The following ARHGEF28 variants were observed in gnomAD, a reference collection of about 807,000 sequenced individuals.
ARHGEF28 encodes Rho guanine nucleotide exchange factor 28, also known as 190 kDa guanine nucleotide exchange factor.
A neutral mutation model predicts 206.6 loss-of-function variants in ARHGEF28; 152 were observed. The observed-to-expected ratio is 0.74, with a 90% CI of 0.64 to 0.84. ARHGEF28 has a LOEUF of 0.84. Ranked by LOEUF, ARHGEF28 falls within the 40% of genes least tolerant of loss-of-function variation. The pLI, the probability that ARHGEF28 is intolerant of heterozygous loss-of-function variation, is 0.00. For missense variants in ARHGEF28, 2,028 were observed against 2,073.2 expected, an observed-to-expected ratio of 0.98 and a Z score of 0.42; for synonymous variants, 763 against 776.4, an observed-to-expected ratio of 0.98 and a Z score of 0.29.
intron 30 of ARHGEF28, chr5:73,899,203 C>T (rs1580069368): frequency 6.6e-6 from 1 of 152,248 alleles, no homozygotes; most frequent in Non-Finnish European, 1.5e-5. Context: ...TTGTACTGCC[C>T]TGGGTGATTT....
At chr5:73,825,926 T>C (rs1343295132) in intron 9 of ARHGEF28, among the ~76,000 whole-genome samples, 2 of 151,438 alleles carry the variant, frequency 1.3e-5, no homozygotes, top group Non-Finnish European at 2.9e-5. Context: ...TGGACTGGAG[T>C]TGAAAATGTG....
At chr5:73,700,400 T>C (rs1318069482) in intron 2 of ARHGEF28, among the ~76,000 whole-genome samples, 1 of 152,230 alleles carries the variant, frequency 6.6e-6, no homozygotes, top group East Asian at 1.9e-4. Context: ...CTGTATAATC[T>C]GTTTTTAAAT....
At chr5:73,852,321 A>T (rs1758755641) in intron 13 of ARHGEF28, among the ~76,000 whole-genome samples, 1 of 152,106 alleles carries the variant, frequency 6.6e-6, no homozygotes, top group South Asian at 2.1e-4. Flanking sequence ...AATAGGGATG[A>T]CTCTAGTGAA....
At chr5:73,916,086 T>C (rs898954732) in intron 35 of ARHGEF28, among the ~76,000 whole-genome samples, 1 of 152,288 alleles carries the variant, frequency 6.6e-6, no homozygotes, top group South Asian at 2.1e-4. Context: ...AAGACAGCTG[T>C]GTTAAACTTT....
intron 6 of ARHGEF28, chr5:73,780,391 A>G (rs1384965756): frequency 5.5e-6 from 2 of 362,372 alleles, no homozygotes; most frequent in Non-Finnish European, 1.0e-5. Flanking sequence ...TCTTTCTGGT[A>G]CATGCATGAT....
At chr5:73,922,358 C>A (rs948907278) in intron 35 of ARHGEF28, among the ~76,000 whole-genome samples, 1 of 152,228 alleles carries the variant, frequency 6.6e-6, no homozygotes, top group Non-Finnish European at 1.5e-5. Flanking sequence ...AGAAAGGAGA[C>A]ATGTTTCCAT....
At chr5:73,823,502 C>T (rs112179355) in intron 9 of ARHGEF28, among the ~76,000 whole-genome samples, 2,890 of 152,204 alleles carry the variant, frequency 0.019, 95 homozygotes, top group African/African-American at 0.066. Flanking sequence ...TAGCAGTTGA[C>T]ATCTTAGTTT....
chr5:73,687,825 G>C (rs1461502808), intron 2 of ARHGEF28, among the ~76,000 whole-genome samples: 5 of 152,170 alleles, frequency 3.3e-5, no homozygotes, highest in Admixed American at 6.5e-5. Flanking sequence ...GATAAGCTCT[G>C]TTGACATTTT....
chr5:73,748,812 A>C (rs1468514537), intron 2 of ARHGEF28, among the ~76,000 whole-genome samples: 1 of 152,134 alleles, frequency 6.6e-6, no homozygotes, highest in Non-Finnish European at 1.5e-5. Context: ...CTCTCTCTGG[A>C]GGCCCCACTT....
intron 2 of ARHGEF28, among the ~76,000 whole-genome samples, chr5:73,707,711 G>T (rs549261550): frequency 8.6e-5 from 13 of 151,776 alleles, no homozygotes; most frequent in African/African-American, 3.1e-4. Context: ...ATTTTTTATT[G>T]TCTTGGAAGA....
At chr5:73,819,649 G>A (rs938505812) in intron 9 of ARHGEF28, among the ~76,000 whole-genome samples, 4 of 152,152 alleles carry the variant, frequency 2.6e-5, no homozygotes, top group African/African-American at 9.7e-5. Flanking sequence ...AGAAGTAGAT[G>A]AGTGAGAGGG....
chr5:73,734,916 A>G (rs766658341), intron 2 of ARHGEF28, among the ~76,000 whole-genome samples: 1 of 152,078 alleles, frequency 6.6e-6, no homozygotes, highest in Non-Finnish European at 1.5e-5. Context: ...CTTCTATTTT[A>G]TTTCTCTGAA....
intron 2 of ARHGEF28, among the ~76,000 whole-genome samples, chr5:73,736,263 G>A (rs1244900253): frequency 2.6e-5 from 4 of 152,166 alleles, no homozygotes; most frequent in East Asian, 1.9e-4. Flanking sequence ...TCAATGCACC[G>A]GGCTGTCTCT....
chr5:73,896,618 T>C (rs1761974209), intron 29 of ARHGEF28, among the ~76,000 whole-genome samples: 1 of 152,046 alleles, frequency 6.6e-6, no homozygotes, highest in African/African-American at 2.4e-5. Flanking sequence ...CCATTGACAA[T>C]GGGAGCAGAG....
intron 30 of ARHGEF28, 107 bp downstream of exon 30, chr5:73,898,200 A>C (rs1227433568): frequency 1.5e-6 from 2 of 1,356,996 alleles, no homozygotes; most frequent in Non-Finnish European, 2.0e-6. Flanking sequence ...AGGGGACTTG[A>C]TATATTTTTT....
intron 35 of ARHGEF28, among the ~76,000 whole-genome samples, chr5:73,935,852 T>A (rs1331290108): frequency 6.6e-6 from 1 of 152,180 alleles, no homozygotes; most frequent in Non-Finnish European, 1.5e-5. Flanking sequence ...AGTTCTGTTT[T>A]GTGACCTTTG....
intron 22 of ARHGEF28, among the ~76,000 whole-genome samples, chr5:73,878,094 G>A (rs1760649256): frequency 6.6e-6 from 1 of 151,638 alleles, no homozygotes; most frequent in Admixed American, 6.6e-5. Context: ...CTTGCTTTAT[G>A]AATCTGGGTG....
At chr5:73,688,905 C>T (rs376381241) in intron 2 of ARHGEF28, among the ~76,000 whole-genome samples, 6 of 152,234 alleles carry the variant, frequency 3.9e-5, no homozygotes, top group Admixed American at 6.5e-5. Flanking sequence ...CCACCCACCT[C>T]GGCCTCCCAA....
At chr5:73,678,654 C>T (rs550360058) in intron 1 of ARHGEF28, among the ~76,000 whole-genome samples, 38 of 152,196 alleles carry the variant, frequency 2.5e-4, no homozygotes, top group South Asian at 2.1e-4. Context: ...CATGGGCTCC[C>T]GTGAGCTTGC....
Sources: allele counts gnomAD v4.1 joint callset (sites outside exome capture counted in the v4.1 genomes callset), GRCh38; gene constraint gnomAD v4.1.1; transcripts MANE v1.5; gene names NCBI Gene and HGNC (gene_info 2026-07-23, HGNC 2026-07-21).